The following KIF3C variants were observed in gnomAD, a reference collection of about 807,000 sequenced individuals.
KIF3C encodes kinesin family member 3C.
KIF3C carries 12 observed loss-of-function variants against 67.7 expected under a neutral mutation model. The ratio of observed to expected loss-of-function variants is 0.18; its 90% CI spans 0.11 to 0.29. The LOEUF (loss-of-function observed/expected upper bound fraction) is 0.29, where lower values mean the gene tolerates loss of function less well. KIF3C is among the 10% of genes least tolerant of loss of function. The pLI is 1.00. For missense variants in KIF3C, 789 were observed against 1,059.6 expected (o/e 0.74, Z 3.55); for synonymous variants, 393 against 426.2 (o/e 0.92, Z 0.96).
chr2:25,954,401 T>A lies in KIF3C; in HGVS notation c.1771-16A>T, dbSNP rs747544822. The A allele has an allele frequency of 1.9e-6, 3 of 1,599,468 alleles. No homozygotes were observed. In the South Asian group the frequency reaches 3.3e-5, roughly 18 times the overall value. On this transcript the variant is annotated splice_polypyrimidine_tract_variant and intron_variant, in intron 3 of 7. Coordinates refer to ENST00000264712, the MANE Select transcript of KIF3C (RefSeq NM_002254.8). ...TGGCGTAGAGCTGGGTGGGGACAGG[T>A]GCCACTCAGAGGCTGCTTGGTGTGG... is the stretch of plus-strand genomic sequence containing the variant.
chr2:25,938,580 C>A (rs1158930684), intron 5 of KIF3C, among the ~76,000 whole-genome samples: 1 of 152,002 alleles, frequency 6.6e-6, no homozygotes, highest in African/African-American at 2.4e-5. Flanking sequence ...GCAGCCTGAC[C>A]CAATAAAGAT....
At chr2:25,960,679 G>A (rs1226378822) in intron 1 of KIF3C, among the ~76,000 whole-genome samples, 1 of 152,196 alleles carries the variant, frequency 6.6e-6, no homozygotes, top group Non-Finnish European at 1.5e-5. Context: ...GCTTATGCCT[G>A]TAATTGCAGC....
At chr2:25,941,956 G>A (rs1663293264) in intron 5 of KIF3C, among the ~76,000 whole-genome samples, 1 of 152,228 alleles carries the variant, frequency 6.6e-6, no homozygotes. Context: ...AGGATTGCTT[G>A]AGCCTGGGAG....
chr2:25,927,733 G>T lies in KIF3C; in HGVS notation c.*1245C>A, dbSNP rs371842122. ...TGCTTTCGTTATGACCTCTTCACCC[G>T]TCCTCCAAAATATACACTTAAAAAG... On this transcript the variant is annotated 3_prime_UTR_variant, in exon 8 of 8. Coordinates refer to ENST00000264712, the MANE Select transcript of KIF3C (RefSeq NM_002254.8). The T allele has an allele frequency of 6.6e-6, 1 of 151,944 alleles. No individual in the cohort carries two copies. Among genetic ancestry groups the T allele is most frequent in the African/African-American group, 2.4e-5 (1 of 41,296 alleles). 9.4% of individuals were successfully genotyped at this position (151,944 alleles called of 1,614,324 possible).
At chr2:25,949,372 G>C (rs552169486) in intron 5 of KIF3C, among the ~76,000 whole-genome samples, 2 of 151,996 alleles carry the variant, frequency 1.3e-5, no homozygotes, top group East Asian at 3.9e-4. Context: ...CCAGGAGCTC[G>C]AGATCAGCCT....
chr2:25,938,247 C>T (rs550745284), intron 5 of KIF3C: 5 of 451,408 alleles, frequency 1.1e-5, no homozygotes, highest in Admixed American at 9.6e-5. Context: ...GTAACCCCAG[C>T]TACTGAGGAG....
chr2:25,954,453 G>C (rs1443108548), intron 3 of KIF3C, 68 bp from the exon 4 acceptor site: 3 of 1,177,656 alleles, frequency 2.5e-6, no homozygotes, highest in Non-Finnish European at 3.7e-6. Context: ...ACCCAGCCTG[G>C]GCCGCAGGGC....
intron 1 of KIF3C, among the ~76,000 whole-genome samples, chr2:25,957,438 T>TG (rs1041305858): frequency 1.4e-4 from 21 of 152,204 alleles, no homozygotes; most frequent in Admixed American, 6.5e-4. Context: ...TATTCTGGTT[T>TG]GGGGGGGTGC....
intron 1 of KIF3C, among the ~76,000 whole-genome samples, chr2:25,971,585 T>C (rs1449036471): frequency 1.3e-5 from 2 of 152,204 alleles, no homozygotes; most frequent in Non-Finnish European, 2.9e-5. Flanking sequence ...TCTCAGGATA[T>C]TAAAAATTCT....
In KIF3C at chr2:25,927,066, C is replaced by T. The variant is rs1363143333; in HGVS notation, c.*1912G>A. 1.3e-5 allele frequency: 2 copies of T among 152,690 alleles called. No homozygotes were observed. The highest frequency in any genetic ancestry group is 2.1e-4 in the South Asian group (1 of 4,832). 9.5% of individuals were successfully genotyped at this position (152,690 alleles called of 1,614,324 possible). On this transcript the variant is annotated 3_prime_UTR_variant, in exon 8 of 8. Transcript: ENST00000264712. ...CACACACATACACACATACACAAAACCGCAGGCAGGAGCTCCTCCTCCGAC... is the reference window on the plus strand; with the variant it reads ...CACACACATACACACATACACAAAATCGCAGGCAGGAGCTCCTCCTCCGAC...
intron 1 of KIF3C, among the ~76,000 whole-genome samples, chr2:25,979,411 C>T (rs6706373): frequency 0.56 from 84,477 of 151,838 alleles, 26,924 homozygotes; most frequent in African/African-American, 0.87. Flanking sequence ...GGTCGGTTGG[C>T]TTGCTGCTCA....
intron 1 of KIF3C, among the ~76,000 whole-genome samples, chr2:25,972,989 T>C (rs1664319404): frequency 1.3e-5 from 2 of 152,194 alleles, no homozygotes; most frequent in Non-Finnish European, 2.9e-5. Flanking sequence ...CATCCTCTAT[T>C]ATATTATTGT....
At chr2:25,942,852 T>C (rs1343123380) in intron 5 of KIF3C, among the ~76,000 whole-genome samples, 2 of 152,166 alleles carry the variant, frequency 1.3e-5, no homozygotes, top group African/African-American at 4.8e-5. Flanking sequence ...CAAAATAAGT[T>C]GATTAGGAAT....
chr2:25,965,469 C>G (rs957818196), intron 1 of KIF3C, among the ~76,000 whole-genome samples: 1 of 151,924 alleles, frequency 6.6e-6, no homozygotes, highest in Non-Finnish European at 1.5e-5. Context: ...TCTCAGAGAT[C>G]TTGAGCCTTT....
intron 1 of KIF3C, among the ~76,000 whole-genome samples, chr2:25,977,437 T>C (rs1664445694): frequency 6.6e-6 from 1 of 151,636 alleles, no homozygotes; most frequent in Non-Finnish European, 1.5e-5. Flanking sequence ...GGGACAGGAG[T>C]GAGCTGCAGA....
intron 1 of KIF3C, among the ~76,000 whole-genome samples, chr2:25,969,068 C>T (rs1255506332): frequency 6.6e-6 from 1 of 152,146 alleles, no homozygotes; most frequent in African/African-American, 2.4e-5. Context: ...AGGTGATCTG[C>T]CTGCTTTGGC....
rs2090432677 is a variant in KIF3C, at chr2:25,928,826, G to C, written c.*152C>G. On this transcript the variant is annotated 3_prime_UTR_variant, in exon 8 of 8. Transcript: ENST00000264712. ...TAAATAAAGGAGGCGAAGAAGAGCAGGCAGAGGCACCATCTGCCAGATTCT... is the reference window on the plus strand; with the variant it reads ...TAAATAAAGGAGGCGAAGAAGAGCACGCAGAGGCACCATCTGCCAGATTCT... 8.1e-6 allele frequency: 5 copies of C among 620,262 alleles called. No homozygotes were observed. The Admixed American group carries it at 1.2e-4, about 15-fold the overall frequency. The allele number at this position is 620,262 out of a possible 1,614,324, so 38.4% of individuals were successfully genotyped here. A position where few individuals can be genotyped will look rare whatever the true frequency, so the allele number is the denominator to read the frequency against.
Position 25,980,121 on chromosome 2 carries a change from C to G in KIF3C, c.1545+252G>C, listed in dbSNP as rs1020229436. Among the ~76,000 whole-genome samples, 2 of 152,202 alleles carry G rather than the reference C, an allele frequency of 1.3e-5. No individual in the cohort carries two copies. Among genetic ancestry groups the G allele is most frequent in the African/African-American group, 4.8e-5 (2 of 41,444 alleles). ...GAAATGCCCACAGCAGGTCAGACCA[C>G]CCCAAGCTCACTGGCTTGAGAGACC... is the stretch of plus-strand genomic sequence containing the variant. On this transcript the variant is annotated intron_variant, in intron 1 of 7. Transcript: ENST00000264712. This position sits in a 1 kb window ranked among gnomAD's most constrained non-coding sequence, Gnocchi z 7.6.
rs978603984 is a variant in KIF3C at position 25,982,074 on chromosome 2, C to G, written c.-157G>C. 18 of 590,216 alleles carry G rather than the reference C, an allele frequency of 3.0e-5. No homozygotes were observed. The highest frequency in any genetic ancestry group is 2.8e-4 in the African/African-American group (15 of 53,390). The allele number at this position is 590,216 out of a possible 1,614,324, so 36.6% of individuals were successfully genotyped here. Reference sequence around the variant, plus strand: ...CTAGGGTGGGGACGCTGGGAGGTGGCCCCAACGCTGCTGCAGTCCGGGCCT... The same window carrying G: ...CTAGGGTGGGGACGCTGGGAGGTGGGCCCAACGCTGCTGCAGTCCGGGCCT... On this transcript the variant is annotated 5_prime_UTR_variant, in exon 1 of 8. Transcript: ENST00000264712.
Sources: allele counts gnomAD v4.1 joint callset (sites outside exome capture counted in the v4.1 genomes callset), GRCh38; gene constraint gnomAD v4.1.1; non-coding constraint Gnocchi (gnomAD v3.1); transcripts MANE v1.5; gene names NCBI Gene and HGNC (gene_info 2026-07-23, HGNC 2026-07-21).